LYPD5: variants seen among roughly 807,000 people sequenced by gnomAD.
LYPD5 encodes the protein LY6/PLAUR domain containing 5.
A neutral mutation model predicts 19.1 loss-of-function variants in LYPD5; 21 were observed. The ratio of observed to expected loss-of-function variants is 1.10; its 90% CI spans 0.78 to 1.58. The LOEUF (loss-of-function observed/expected upper bound fraction) is 1.58. Ranked by LOEUF, LYPD5 falls within the 40% of genes most tolerant of loss-of-function variation. LYPD5 has a pLI of 0.00. For missense variants in LYPD5, 287 were observed against 329.8 expected (o/e 0.87, Z 1.00); for synonymous variants, 128 against 142.7 (o/e 0.90, Z 0.74).
upstream of LYPD5, among the ~76,000 whole-genome samples, chr19:43,802,881 C>T (rs1359925983): frequency 1.3e-5 from 2 of 152,156 alleles, no homozygotes; most frequent in African/African-American, 4.8e-5. Context: ...TCTCCCAGCC[C>T]TGATCAAACT....
chr19:43,801,855 T>C (rs1970226623), intron 1 of LYPD5, among the ~76,000 whole-genome samples: 1 of 152,212 alleles, frequency 6.6e-6, no homozygotes, highest in Admixed American at 6.5e-5. Flanking sequence ...ACTTCCATTC[T>C]GAAATGAGTT....
chr19:43,819,283 C>CTTTTTTTT (rs560659624), intron 1 of LYPD5, among the ~76,000 whole-genome samples: 21 of 110,506 alleles, frequency 1.9e-4, no homozygotes, highest in African/African-American at 2.7e-4. Flanking sequence ...TCTTCTTCTT[C>CTTTTTTTT]TTTTTTTTTT....
At chr19:43,812,199 C>T (rs185948421) in intron 1 of LYPD5, among the ~76,000 whole-genome samples, 1 of 152,096 alleles carries the variant, frequency 6.6e-6, no homozygotes, top group Non-Finnish European at 1.5e-5. Flanking sequence ...GCTTTTCATG[C>T]CTTTGCTTAT....
rs1423517605 is a variant in LYPD5 at position 43,796,870 on chromosome 19, TTA to T, written c.*719_*720del. ...CTACTGTGAAGTAGTTCTTGTCATGTTATAGAGTTTATTTTCACCTCCACCTT... is the reference window on the plus strand; with the variant it reads ...CTACTGTGAAGTAGTTCTTGTCATGTTAGAGTTTATTTTCACCTCCACCTT... On this transcript the variant is annotated 3_prime_UTR_variant, in exon 5 of 5. Coordinates refer to ENST00000377950, the MANE Select transcript of LYPD5 (RefSeq NM_001031749.3). 1 of 152,224 alleles carries T rather than the reference TTA, an allele frequency of 6.6e-6. No individual in the cohort carries two copies. Among genetic ancestry groups the T allele is most frequent in the African/African-American group, 2.4e-5 (1 of 41,450 alleles). The allele number at this position is 152,224 out of a possible 1,614,324, so 9.4% of individuals were successfully genotyped here.
chr19:43,810,210 CT>C (rs111818472), intron 1 of LYPD5, among the ~76,000 whole-genome samples: 8,325 of 152,148 alleles, frequency 0.055, 726 homozygotes, highest in African/African-American at 0.19. Flanking sequence ...ATCCATTTTA[CT>C]TTTTCCTCTC....
At chr19:43,815,112 CA>C (rs1353089716) in intron 1 of LYPD5, among the ~76,000 whole-genome samples, 1 of 152,168 alleles carries the variant, frequency 6.6e-6, no homozygotes. Context: ...TCATGTGGCT[CA>C]GGGACAGGGA....
intron 1 of LYPD5, among the ~76,000 whole-genome samples, chr19:43,813,290 TA>T: frequency 6.6e-6 from 1 of 152,178 alleles, no homozygotes; most frequent in African/African-American, 2.4e-5. Context: ...ATCTGGTTGT[TA>T]AAAAGTCTGG....
rs555814329 is a variant in LYPD5, at chr19:43,810,641, T to G, written c.-66+9899A>C. ...TTTCTTTCCGTTTTTCTTTCTTTCT[T>G]TCTTTTTTTTGGACAGAGTCTCGCT... On this transcript the variant is annotated intron_variant, in intron 1 of 4. Transcript: ENST00000414615. Among the ~76,000 whole-genome samples, 6 of 145,640 alleles carry G rather than the reference T, an allele frequency of 4.1e-5. No individual in the cohort carries two copies. In the East Asian group the frequency reaches 1.3e-3, roughly 31 times the overall value.
upstream of LYPD5, among the ~76,000 whole-genome samples, chr19:43,804,108 G>A (rs1441021886): frequency 2.0e-5 from 3 of 152,152 alleles, no homozygotes; most frequent in African/African-American, 7.2e-5. Flanking sequence ...AAATTGCTGG[G>A]ATTACAGACG....
chr19:43,798,819 C>A lies in LYPD5; in HGVS notation c.363G>T (p.Leu121=), dbSNP rs757123901. ...CCCCGCTCTCCCGCGCACCTTGGCT[C>A]AGGTTGGGGAGGGCGTCATGAGTCA... ...HLMTHDALPN[L]SQAPDPPTLS... The change falls in exon 3 of 5, where the codon CTG becomes CTT. Residue 121 remains leucine (L), a synonymous_variant. Transcript: ENST00000377950. The A allele has an allele frequency of 5.0e-6, 8 of 1,609,054 alleles. No individual in the cohort carries two copies. In the East Asian group the frequency reaches 1.1e-4, roughly 23 times the overall value.
At chr19:43,818,298 T>C (rs1970390339) in intron 1 of LYPD5, among the ~76,000 whole-genome samples, 1 of 152,174 alleles carries the variant, frequency 6.6e-6, no homozygotes, top group Admixed American at 6.5e-5. Flanking sequence ...GCTATTATTT[T>C]ATCAGCCGGT....
chr19:43,799,823 G>A lies in LYPD5; in HGVS notation c.76C>T (p.Leu26=). 6.2e-7 allele frequency: 1 copy of A among 1,612,364 alleles called. No individual in the cohort carries two copies. The highest frequency in any genetic ancestry group is 1.1e-5 in the South Asian group (1 of 90,464). Residue 26 remains leucine (L), a synonymous_variant, in exon 2 of 5, where the codon CTG becomes TTG. Coordinates refer to ENST00000377950, the MANE Select transcript of LYPD5 (RefSeq NM_001031749.3). ...GTGTGCTCAAAGCTGTAGCACTGCA[G>A]GGCTTGGGACCCTGGGGAGAGAGGC... ...AALCLTGSQA[L]QCYSFEHTYF...
chr19:43,804,126 C>G (rs10401526), upstream of LYPD5, among the ~76,000 whole-genome samples: 23,675 of 152,124 alleles, frequency 0.16, 2,523 homozygotes, highest in East Asian at 0.46. Flanking sequence ...ACGTGAGCCA[C>G]TGTGCCCGGC....
In LYPD5 at chr19:43,797,773, C is replaced by CGG. The variant is rs769071816; in HGVS notation, c.572_573dup (p.Glu192ProfsTer28). 1.2e-6 allele frequency: 2 copies of CGG among 1,613,778 alleles called. No individual in the cohort carries two copies. The highest frequency in any genetic ancestry group is 3.3e-5 in the Admixed American group (2 of 59,980). On this transcript the variant is annotated frameshift_variant, in exon 5 of 5. Coordinates refer to ENST00000377950, the MANE Select transcript of LYPD5 (RefSeq NM_001031749.3). LOFTEE classifies it low-confidence loss of function (END_TRUNC). ...GCTGTCCAGGGGCTGGTGGTGCCCTCGGTGGTGCAGGAGGGCCGGTGGCAG... is the reference window on the plus strand; with the variant it reads ...GCTGTCCAGGGGCTGGTGGTGCCCTCGGGGTGGTGCAGGAGGGCCGGTGGCAG...
At chr19:43,804,132 C>T (rs1970251672), upstream of LYPD5, among the ~76,000 whole-genome samples, 1 of 152,178 alleles carries the variant, frequency 6.6e-6, no homozygotes, top group Non-Finnish European at 1.5e-5. Context: ...GCCACTGTGC[C>T]CGGCCTTCTC....
At position 43,797,807 on chromosome 19, in the gene LYPD5, G is replaced by A. The variant is rs761164626; in HGVS notation, c.540C>T (p.Tyr180=). 5 of 1,613,728 alleles carry A rather than the reference G, an allele frequency of 3.1e-6. No individual in the cohort carries two copies. The highest frequency in any genetic ancestry group is 3.4e-6 in the Non-Finnish European group (4 of 1,179,810). The change falls in exon 5 of 5, where the codon TAC becomes TAT. Residue 180 remains tyrosine (Y), a synonymous_variant. Transcript: ENST00000377950. Reference sequence around the variant, plus strand: ...AGGAGGGCCGGTGGCAGGTTCTGATGTACACAGGGACTGAGAAATTGCCTG... The same window carrying A: ...AGGAGGGCCGGTGGCAGGTTCTGATATACACAGGGACTGAGAAATTGCCTG... The part of the protein sequence containing the change: ...MTVGNFSVPV[Y]IRTCHRPSCT...
chr19:43,798,820 A>G lies in LYPD5; in HGVS notation c.362T>C (p.Leu121Pro). 6.2e-7 allele frequency: 1 copy of G among 1,608,966 alleles called. No individual in the cohort carries two copies. Among genetic ancestry groups the G allele is most frequent in the East Asian group, 2.2e-5 (1 of 44,664 alleles). Residue 121 changes from leucine to proline, a missense_variant, in exon 3 of 5, where the codon CTG becomes CCG. Leu to Pro is a moderately conservative substitution (Grantham distance 98). Coordinates refer to ENST00000377950, the MANE Select transcript of LYPD5 (RefSeq NM_001031749.3). ...CCCGCTCTCCCGCGCACCTTGGCTC[A>G]GGTTGGGGAGGGCGTCATGAGTCAT... ...HLMTHDALPN[L>P]SQAPDPPTLS... is the part of the protein sequence containing the mutation.
At chr19:43,801,319 G>A (rs886707719) in intron 1 of LYPD5, among the ~76,000 whole-genome samples, 1 of 152,148 alleles carries the variant, frequency 6.6e-6, no homozygotes, top group Admixed American at 6.5e-5. Context: ...GGGCAACATA[G>A]TGAAACCCCA....
chr19:43,805,797 CA>C (rs1208932635), upstream of LYPD5, among the ~76,000 whole-genome samples: 1 of 152,216 alleles, frequency 6.6e-6, no homozygotes. Context: ...CGTGAACCAC[CA>C]CACCTGGCCT....
Sources: allele counts gnomAD v4.1 joint callset (sites outside exome capture counted in the v4.1 genomes callset), GRCh38; gene constraint gnomAD v4.1.1; transcripts MANE v1.5; gene names NCBI Gene and HGNC (gene_info 2026-07-23, HGNC 2026-07-21).